Variants in TRMT1L observed in about 807,000 individuals in gnomAD.
TRMT1L encodes tRNA methyltransferase 1L, also known as tRNA (guanine(27)-N(2))-dimethyltransferase.
TRMT1L carries 28 observed loss-of-function variants against 81.6 expected under a neutral mutation model. That is an observed-to-expected ratio of 0.34 (90% confidence interval 0.25 to 0.47). TRMT1L has a LOEUF of 0.47. Ranked by LOEUF, TRMT1L falls within the 20% of genes least tolerant of loss-of-function variation. The pLI is 1.00. For missense variants in TRMT1L, 739 were observed against 877.1 expected (o/e 0.84, Z 1.99); for synonymous variants, 301 against 303.2 (o/e 0.99, Z 0.07).
intron 3 of TRMT1L, among the ~76,000 whole-genome samples, chr1:185,147,576 T>C (rs1395765894): frequency 1.3e-5 from 2 of 152,106 alleles, no homozygotes; most frequent in African/African-American, 4.8e-5. Context: ...ACCTTGACTT[T>C]TTCTTAGGCT....
intron 1 of TRMT1L, 80 bp downstream of exon 1, chr1:185,156,398 G>A (rs956403661): frequency 3.7e-6 from 6 of 1,612,270 alleles, no homozygotes; most frequent in Non-Finnish European, 4.2e-6. Context: ...AAACCATCCC[G>A]GTGAAGGGCC....
intron 13 of TRMT1L, among the ~76,000 whole-genome samples, chr1:185,122,237 T>G (rs1652517800): frequency 6.6e-6 from 1 of 152,200 alleles, no homozygotes; most frequent in Non-Finnish European, 1.5e-5. Flanking sequence ...AGCACTGCAA[T>G]GAACATATAA....
chr1:185,156,993 C>T (rs1176300757), upstream of TRMT1L: 2 of 468,800 alleles, frequency 4.3e-6, no homozygotes, highest in Non-Finnish European at 7.6e-6. Context: ...CTGGGGACGG[C>T]GTCCAATTGG....
In TRMT1L at chr1:185,156,713, A is replaced by G. The variant is rs1653605437; in HGVS notation, c.-1T>C. 6.2e-7 allele frequency: 1 copy of G among 1,612,416 alleles called. No homozygotes were observed. ...GCTCCTCCTCCGCCATATTCTCCAT[A>G]GTTACCGCCTCCGTGCCAAGCCCGC... On this transcript the variant is annotated 5_prime_UTR_variant, in exon 1 of 15. Coordinates refer to ENST00000367506, the MANE Select transcript of TRMT1L (RefSeq NM_030934.5).
At chr1:185,125,753 G>A (rs111823155) in intron 11 of TRMT1L, among the ~76,000 whole-genome samples, 25 of 152,186 alleles carry the variant, frequency 1.6e-4, no homozygotes, top group African/African-American at 6.0e-4. Context: ...GTACACAGAG[G>A]GTGTGTGGAG....
chr1:185,156,296 G>A (rs1355753362), intron 1 of TRMT1L, among the ~76,000 whole-genome samples, 182 bp downstream of exon 1: 2 of 152,152 alleles, frequency 1.3e-5, no homozygotes, highest in Non-Finnish European at 2.9e-5. Context: ...GGCTTATGAA[G>A]ATGCCGTCTC....
At chr1:185,155,092 C>T (rs753855709) in intron 1 of TRMT1L, among the ~76,000 whole-genome samples, 1 of 152,210 alleles carries the variant, frequency 6.6e-6, no homozygotes, top group Non-Finnish European at 1.5e-5. Context: ...TCAATCATTA[C>T]ATATTTGTCC....
At chr1:185,156,338 G>A (rs1156292808) in intron 1 of TRMT1L, 140 bp downstream of exon 1, 8 of 1,576,888 alleles carry the variant, frequency 5.1e-6, no homozygotes, top group Non-Finnish European at 6.9e-6. Flanking sequence ...GCCGCTACAC[G>A]GGCCCCTCTT....
At chr1:185,140,609 T>A (rs1387692959) in intron 7 of TRMT1L, among the ~76,000 whole-genome samples, 1 of 152,034 alleles carries the variant, frequency 6.6e-6, no homozygotes, top group African/African-American at 2.4e-5. Context: ...TTTACCATCA[T>A]GGACCAAAAT....
intron 5 of TRMT1L, among the ~76,000 whole-genome samples, chr1:185,145,137 G>A (rs1466278270): frequency 6.6e-6 from 1 of 151,646 alleles, no homozygotes. Flanking sequence ...ATACATACAT[G>A]ACAGTTAAGG....
intron 1 of TRMT1L, among the ~76,000 whole-genome samples, chr1:185,154,463 C>G (rs1323781059): frequency 6.6e-6 from 1 of 152,212 alleles, no homozygotes; most frequent in African/African-American, 2.4e-5. Context: ...AAAACTTCTT[C>G]ATGTTTCATA....
At chr1:185,138,613 C>A (rs978438383) in intron 9 of TRMT1L, among the ~76,000 whole-genome samples, 3 of 151,912 alleles carry the variant, frequency 2.0e-5, no homozygotes, top group African/African-American at 2.4e-5. Context: ...AGTAAGTGCT[C>A]AAAAAAAGTC....
chr1:185,137,954 G>A (rs1284217085), intron 9 of TRMT1L, among the ~76,000 whole-genome samples, 158 bp from the exon 10 acceptor site: 1 of 152,114 alleles, frequency 6.6e-6, no homozygotes, highest in African/African-American at 2.4e-5. Context: ...GATCATTACT[G>A]TAACTTTTAC....
At chr1:185,141,547 T>C (rs574330561) in intron 7 of TRMT1L, among the ~76,000 whole-genome samples, 1 of 152,136 alleles carries the variant, frequency 6.6e-6, no homozygotes, top group East Asian at 1.9e-4. Flanking sequence ...CTACTAAAAA[T>C]ACAAAAATCA....
At chr1:185,147,631 CCTT>C (rs1212131967) in intron 3 of TRMT1L, among the ~76,000 whole-genome samples, 1 of 151,990 alleles carries the variant, frequency 6.6e-6, no homozygotes. Context: ...TTATACAGAC[CCTT>C]CTTCATCTAT....
chr1:185,126,046 T>A (rs1331054627), intron 11 of TRMT1L, among the ~76,000 whole-genome samples: 1 of 152,100 alleles, frequency 6.6e-6, no homozygotes, highest in Non-Finnish European at 1.5e-5. Flanking sequence ...AAATATGAAA[T>A]TCTGAGTATG....
At chr1:185,150,078 G>A (rs1428086323) in intron 3 of TRMT1L, among the ~76,000 whole-genome samples, 1 of 151,928 alleles carries the variant, frequency 6.6e-6, no homozygotes, top group Admixed American at 6.6e-5. Context: ...CAAAATATGT[G>A]TAAAATAAAA....
Position 185,156,693 on chromosome 1 carries a change from T to C in TRMT1L, c.20A>G (p.Glu7Gly). 1 of 1,612,476 alleles carries C rather than the reference T, an allele frequency of 6.2e-7. No homozygotes were observed. Among genetic ancestry groups the C allele is most frequent in the Non-Finnish European group, 8.5e-7 (1 of 1,179,780 alleles). Residue 7 changes from glutamate (E) to glycine (G), a missense_variant, in exon 1 of 15, where the codon GAG becomes GGG. Physicochemically the swap from Glu to Gly is moderately conservative, Grantham distance 98. This residue lies in a region of TRMT1L where 209 missense variants were observed against 165.4 expected (regional missense o/e 1.26). Transcript: ENST00000367506. ...CTCCTTCTCCAGGGGCAGCAGCTCC[T>C]CCTCCGCCATATTCTCCATAGTTAC... is the stretch of plus-strand genomic sequence containing the variant. Reference protein sequence around the residue: MENMAEEELLPLEKEEV... With the variant: MENMAEGELLPLEKEEV...
intron 10 of TRMT1L, among the ~76,000 whole-genome samples, chr1:185,134,142 G>T (rs989670172): frequency 6.6e-6 from 1 of 151,968 alleles, no homozygotes; most frequent in Non-Finnish European, 1.5e-5. Flanking sequence ...TCAGGCAGAG[G>T]TTATTATTTT....
Sources: allele counts gnomAD v4.1 joint callset (sites outside exome capture counted in the v4.1 genomes callset), GRCh38; gene constraint gnomAD v4.1.1; regional missense constraint gnomAD v4.1.1; transcripts MANE v1.5; gene names NCBI Gene and HGNC (gene_info 2026-07-23, HGNC 2026-07-21).